Variants in TMEM132B observed in about 807,000 individuals in gnomAD.
The protein encoded by TMEM132B is transmembrane protein 132B.
Under a neutral mutation model 90.8 loss-of-function variants are expected in TMEM132B, and 18 were observed. The observed-to-expected ratio is 0.20, with a 90% CI of 0.14 to 0.29. The LOEUF (loss-of-function observed/expected upper bound fraction) is 0.29. Ranked by LOEUF, TMEM132B falls within the 10% of genes least tolerant of loss-of-function variation. The pLI, the probability that TMEM132B is intolerant of heterozygous loss-of-function variation, is 1.00. For synonymous variants in TMEM132B, 504 were observed against 523.3 expected (o/e 0.96, Z 0.50); for missense variants, 1,096 against 1,326.8 (o/e 0.83, Z 2.70).
chr12:125,492,322 C>T lies in TMEM132B; in HGVS notation c.1107-27117C>T, dbSNP rs975895457. On this transcript the variant is annotated intron_variant, in intron 3 of 8. Coordinates refer to ENST00000682704, the MANE Select transcript of TMEM132B (RefSeq NM_001366854.1). This position sits in a 1 kb window ranked among gnomAD's most constrained non-coding sequence, Gnocchi z 5.8. ...TGCTCACCATTCCTTAGCGGGCTCT[C>T]GCGTGTCCTCCAAACACTGCTGCAT... is the stretch of plus-strand genomic sequence containing the variant. Among the ~76,000 whole-genome samples, 15 of 152,354 alleles carry T rather than the reference C, an allele frequency of 9.8e-5. No individual in the cohort carries two copies. The highest frequency in any genetic ancestry group is 3.6e-4 in the African/African-American group (15 of 41,584).
At chr12:125,193,290 C>A (rs1872844807) in intron 1 of TMEM132B, among the ~76,000 whole-genome samples, 1 of 152,110 alleles carries the variant, frequency 6.6e-6, no homozygotes, top group Non-Finnish European at 1.5e-5. Context: ...ATAAGTCAAT[C>A]CATGAATGGC....
At chr12:125,558,797 A>G (rs937589218) in intron 4 of TMEM132B, among the ~76,000 whole-genome samples, 10 of 152,156 alleles carry the variant, frequency 6.6e-5, no homozygotes, top group African/African-American at 2.4e-4. Context: ...TCATCCACCA[A>G]TCCTTTCTCC....
chr12:125,326,485 A>G, intron 1 of TMEM132B: 2 of 956,564 alleles, frequency 2.1e-6, no homozygotes, highest in Middle Eastern at 2.1e-4. Context: ...GAGCTCTGAC[A>G]TTCCGTTGTC....
chr12:125,461,520 G>A (rs1297926185), intron 3 of TMEM132B, among the ~76,000 whole-genome samples: 1 of 152,224 alleles, frequency 6.6e-6, no homozygotes, highest in African/African-American at 2.4e-5. Flanking sequence ...ATGTGGGGCC[G>A]GGACCACACC....
At chr12:125,530,450 G>A (rs769424209) in intron 4 of TMEM132B, among the ~76,000 whole-genome samples, 4 of 152,148 alleles carry the variant, frequency 2.6e-5, no homozygotes, top group Non-Finnish European at 5.9e-5. Context: ...TGTTAGGCAG[G>A]AAAAATGATG....
At chr12:125,379,911 C>T (rs939417821) in intron 2 of TMEM132B, among the ~76,000 whole-genome samples, 1 of 152,166 alleles carries the variant, frequency 6.6e-6, no homozygotes, top group Non-Finnish European at 1.5e-5. Flanking sequence ...TTTTTCAGAT[C>T]ACAACATTAC....
intron 3 of TMEM132B, among the ~76,000 whole-genome samples, chr12:125,433,881 T>C (rs1205785684): frequency 6.6e-6 from 1 of 152,144 alleles, no homozygotes; most frequent in African/African-American, 2.4e-5. Flanking sequence ...CTCTTTTCCT[T>C]TCGTATGTGT....
At chr12:125,634,050 G>T (rs927359265) in intron 5 of TMEM132B, among the ~76,000 whole-genome samples, 3 of 152,192 alleles carry the variant, frequency 2.0e-5, no homozygotes, top group African/African-American at 4.8e-5. Flanking sequence ...AGGTCCAGAG[G>T]TGCTGTCTGG....
chr12:125,521,591 G>A (rs948618891), intron 4 of TMEM132B, among the ~76,000 whole-genome samples: 1 of 152,196 alleles, frequency 6.6e-6, no homozygotes, highest in African/African-American at 2.4e-5. Flanking sequence ...AGTAAGAGTG[G>A]GAATCTGCTA....
Position 125,654,135 on chromosome 12 carries a change from A to G in TMEM132B, c.2677A>G (p.Thr893Ala). ...SPDPNNPSDL[T>A]VTSRGLTDLE... ...GGACCCCAATAATCCTAGTGACCTCACAGTGACCTCAAGGGGGCTAACGGA... is the reference window on the plus strand; with the variant it reads ...GGACCCCAATAATCCTAGTGACCTCGCAGTGACCTCAAGGGGGCTAACGGA... Residue 893 changes from threonine (T) to alanine (A), a missense_variant, in exon 9 of 9, where the codon ACA becomes GCA. By Grantham distance (58) the Thr-to-Ala change is moderately conservative. Coordinates refer to ENST00000682704, the MANE Select transcript of TMEM132B (RefSeq NM_001366854.1). This position sits in a 1 kb window ranked among gnomAD's most constrained non-coding sequence, Gnocchi z 5.8. 1 of 1,614,224 alleles carries G rather than the reference A, an allele frequency of 6.2e-7. No homozygotes were observed. The highest frequency in any genetic ancestry group is 1.1e-5 in the South Asian group (1 of 91,088).
intron 5 of TMEM132B, among the ~76,000 whole-genome samples, chr12:125,621,796 G>A (rs1443192911): frequency 1.3e-5 from 2 of 152,128 alleles, no homozygotes; most frequent in Admixed American, 6.5e-5. Context: ...TATGGACCTC[G>A]AAGGGTGACA....
chr12:125,561,802 G>T (rs1208706064), intron 4 of TMEM132B, among the ~76,000 whole-genome samples: 1 of 151,662 alleles, frequency 6.6e-6, no homozygotes, highest in Non-Finnish European at 1.5e-5. Context: ...GGGCTTTGTT[G>T]TTTCATTTCT....
chr12:125,308,733 T>G (rs1876053876), intron 1 of TMEM132B, among the ~76,000 whole-genome samples: 1 of 152,130 alleles, frequency 6.6e-6, no homozygotes. Context: ...TGTTCACATT[T>G]TGTCACTTTT....
intron 5 of TMEM132B, among the ~76,000 whole-genome samples, chr12:125,618,430 A>G (rs1886040692): frequency 6.6e-6 from 1 of 152,166 alleles, no homozygotes; most frequent in South Asian, 2.1e-4. Context: ...CCCTTGGGAA[A>G]TAACACAGCT....
intron 3 of TMEM132B, among the ~76,000 whole-genome samples, chr12:125,456,781 G>C (rs1881303354): frequency 1.3e-5 from 2 of 152,188 alleles, no homozygotes; most frequent in Admixed American, 1.3e-4. Flanking sequence ...GCTGGCACAT[G>C]GCAGGGGCTT....
chr12:125,310,246 C>A (rs991604009), intron 1 of TMEM132B, among the ~76,000 whole-genome samples: 1 of 152,216 alleles, frequency 6.6e-6, no homozygotes, highest in East Asian at 1.9e-4. Context: ...CCATCCACCA[C>A]AAGCTGTGCA....
At chr12:125,299,255 C>T (rs1425192554) in intron 1 of TMEM132B, among the ~76,000 whole-genome samples, 1 of 152,178 alleles carries the variant, frequency 6.6e-6, no homozygotes, top group African/African-American at 2.4e-5. Context: ...CCCACTGTCT[C>T]TCCAACACTC....
rs780319557 is a variant in TMEM132B at position 125,654,524 on chromosome 12, G to A, written c.3066G>A (p.Ser1022=). 86 of 1,613,820 alleles carry A rather than the reference G, an allele frequency of 5.3e-5. 1 individual carries two copies. Among genetic ancestry groups the A allele is most frequent in the East Asian group, 2.0e-4 (9 of 44,886 alleles). ...KEIKNEPMNS[S]GPKRKRVKFT... ...TTAAAAATGAACCTATGAATTCTTCGGGCCCAAAGAGGAAGAGAGTCAAGT... is the reference window on the plus strand; with the variant it reads ...TTAAAAATGAACCTATGAATTCTTCAGGCCCAAAGAGGAAGAGAGTCAAGT... The change falls in exon 9 of 9, where the codon TCG becomes TCA. Residue 1022 remains serine, a synonymous_variant. Transcript: ENST00000682704. This position sits in a 1 kb window ranked among gnomAD's most constrained non-coding sequence, Gnocchi z 5.8.
chr12:125,201,148 C>T (rs985272132), intron 1 of TMEM132B, among the ~76,000 whole-genome samples: 1 of 152,094 alleles, frequency 6.6e-6, no homozygotes, highest in Non-Finnish European at 1.5e-5. Flanking sequence ...AATGTATGGG[C>T]TGAGCTGCTG....
Sources: gnomAD v4.1 joint callset for allele counts (sites outside exome capture counted in the v4.1 genomes callset) on GRCh38, gnomAD v4.1.1 for gene constraint, Gnocchi (gnomAD v3.1) non-coding constraint, MANE v1.5 for transcripts, NCBI Gene and HGNC (gene_info 2026-07-23, HGNC 2026-07-21) for gene names.